The following LOXL1 variants were observed in gnomAD, a reference collection of about 807,000 sequenced individuals.
LOXL1 encodes lysyl oxidase like 1, also known as lysyl oxidase homolog 1.
LOXL1 carries 31 observed loss-of-function variants against 62.2 expected under a neutral mutation model. The observed-to-expected ratio is 0.50, with a 90% confidence interval of 0.37 to 0.67. The LOEUF is 0.67. LOXL1 is among the 30% of genes least tolerant of loss of function. LOXL1 has a pLI of 0.00. For missense variants in LOXL1, 775 were observed against 843.4 expected (o/e 0.92, Z 1.00); for synonymous variants, 403 against 384.4 (o/e 1.05, Z -0.56).
intron 1 of LOXL1, 56 bp downstream of exon 1, chr15:73,927,941 G>A: frequency 4.7e-6 from 6 of 1,275,230 alleles, no homozygotes; most frequent in Non-Finnish European, 5.9e-6. Flanking sequence ...ACTGGAAACT[G>A]CTCCGGGCCC....
At position 73,927,557 on chromosome 15, in the gene LOXL1, C is replaced by T; in HGVS notation, c.774C>T (p.Pro258=). Residue 258 remains proline, a synonymous_variant, in exon 1 of 7, where the codon CCC becomes CCT. Transcript: ENST00000261921. ...PQGFYPAPER[P]YVPPPPPPPD... Reference sequence around the variant, plus strand: ...GCTTCTACCCGGCCCCCGAGAGGCCCTACGTGCCGCCGCCGCCGCCGCCCC... The same window carrying T: ...GCTTCTACCCGGCCCCCGAGAGGCCTTACGTGCCGCCGCCGCCGCCGCCCC... The T allele has an allele frequency of 3.3e-6, 5 of 1,501,896 alleles. No homozygotes were observed. In the Middle Eastern group the frequency reaches 5.4e-4, roughly 162 times the overall value. The allele number at this position is 1,501,896 out of a possible 1,614,324, so 93.0% of individuals were successfully genotyped here. A position where few individuals can be genotyped will look rare whatever the true frequency, so the allele number is the denominator to read the frequency against.
intron 1 of LOXL1, among the ~76,000 whole-genome samples, chr15:73,939,413 C>T (rs548001380): frequency 1.2e-4 from 19 of 152,334 alleles, no homozygotes; most frequent in African/African-American, 4.3e-4. Flanking sequence ...TCTTGTGTCA[C>T]CCCCATGGCC....
intron 1 of LOXL1, among the ~76,000 whole-genome samples, chr15:73,934,602 A>T (rs1279787125): frequency 6.6e-6 from 1 of 152,224 alleles, no homozygotes; most frequent in East Asian, 1.9e-4. Flanking sequence ...GGCAGATATC[A>T]TCTCATGAGG....
intron 1 of LOXL1, among the ~76,000 whole-genome samples, chr15:73,928,883 A>G (rs1395809013): frequency 2.0e-5 from 3 of 151,460 alleles, no homozygotes; most frequent in Admixed American, 2.0e-4. Context: ...AAAAAAAAAA[A>G]ACACCTCACT....
At chr15:73,938,274 C>CATATCTATCTAT (rs2068688382) in intron 1 of LOXL1, among the ~76,000 whole-genome samples, 1 of 35,884 alleles carries the variant, frequency 2.8e-5, no homozygotes. Context: ...AGCTAGACTC[C>CATATCTATCTAT]GTATCTATCT....
chr15:73,931,230 T>C (rs28617339), intron 1 of LOXL1, among the ~76,000 whole-genome samples: 91,396 of 151,680 alleles, frequency 0.6, 28,816 homozygotes, highest in East Asian at 0.91. Flanking sequence ...CAGGGCATCT[T>C]GGATGGCTGT....
rs896547707 is a variant in LOXL1, at chr15:73,927,866, G to A, written c.1083G>A (p.Arg361=). 4 of 1,325,784 alleles carry A rather than the reference G, an allele frequency of 3.0e-6. No individual in the cohort carries two copies. Among genetic ancestry groups the A allele is most frequent in the Admixed American group, 4.1e-5 (1 of 24,104 alleles). 82.1% of individuals were successfully genotyped at this position (1,325,784 alleles called of 1,614,324 possible). ...QGRLSVGSVY[R]PNQNGRGLPD... is the part of the protein sequence containing the mutation. ...GCCTCAGCGTGGGCAGCGTGTACCGGCCCAACCAGAACGGCCGCGGTGAGT... is the reference window on the plus strand; with the variant it reads ...GCCTCAGCGTGGGCAGCGTGTACCGACCCAACCAGAACGGCCGCGGTGAGT... The change falls in exon 1 of 7, where the codon CGG becomes CGA. Residue 361 remains arginine (R), a synonymous_variant. Coordinates refer to ENST00000261921, the MANE Select transcript of LOXL1 (RefSeq NM_005576.4).
In LOXL1 at chr15:73,927,777, C is replaced by A; in HGVS notation, c.994C>A (p.Leu332Met). The change falls in exon 1 of 7, where the codon CTG (leucine) becomes ATG (methionine). Residue 332 changes from leucine (L) to methionine (M), a missense_variant. Leu to Met is a conservative substitution (Grantham distance 15). Transcript: ENST00000261921. ...GPPRALEPPY[L>M]PVRSSDTPPP... Reference sequence around the variant, plus strand: ...GCCGCGCGCGCTGGAGCCGCCCTACCTGCCGGTGCGCAGCTCCGACACGCC... The same window carrying A: ...GCCGCGCGCGCTGGAGCCGCCCTACATGCCGGTGCGCAGCTCCGACACGCC... 1.4e-6 allele frequency: 2 copies of A among 1,431,556 alleles called. No individual in the cohort carries two copies. The highest frequency in any genetic ancestry group is 3.0e-5 in the African/African-American group (2 of 67,188). 88.7% of individuals were successfully genotyped at this position (1,431,556 alleles called of 1,614,324 possible).
Position 73,949,710 on chromosome 15 carries a change from A to G in LOXL1, c.1718+136A>G, listed in dbSNP as rs201115446. 6.2e-4 allele frequency: 410 copies of G among 656,416 alleles called. 1 individual carries two copies. Among genetic ancestry groups the G allele is most frequent in the South Asian group, 4.6e-3 (265 of 57,672 alleles). 40.7% of individuals were successfully genotyped at this position (656,416 alleles called of 1,614,324 possible). ...GAACGCAGCTGCAGCAGGGCCCATC[A>G]AAAAGAGCCTTGTCCGTGCCAACCC... On this transcript the variant is annotated intron_variant, in intron 6 of 6. Transcript: ENST00000261921.
At chr15:73,927,949 C>G (rs953932005) in intron 1 of LOXL1, 64 bp downstream of exon 1, 1 of 1,249,468 alleles carries the variant, frequency 8.0e-7, no homozygotes, top group Admixed American at 4.2e-5. Flanking sequence ...CTGCTCCGGG[C>G]CCCCCGGGCC....
At chr15:73,936,469 G>A (rs4886782) in intron 1 of LOXL1, among the ~76,000 whole-genome samples, 40,847 of 152,198 alleles carry the variant, frequency 0.27, 6,754 homozygotes, top group Middle Eastern at 0.44. Flanking sequence ...GGGCTCCTCT[G>A]GAGTCTGGCT....
intron 1 of LOXL1, among the ~76,000 whole-genome samples, chr15:73,937,037 G>A (rs1022869706): frequency 7.2e-5 from 11 of 152,244 alleles, no homozygotes; most frequent in Admixed American, 1.3e-4. Context: ...AGGGGACTGG[G>A]GAGACTGGAC....
chr15:73,929,129 C>T (rs904305836), intron 1 of LOXL1, among the ~76,000 whole-genome samples: 1 of 152,232 alleles, frequency 6.6e-6, no homozygotes, highest in Non-Finnish European at 1.5e-5. Context: ...CAGCCATTCT[C>T]TGCTGTCCTA....
intron 1 of LOXL1, 198 bp downstream of exon 1, chr15:73,928,083 C>A (rs2068604724): frequency 4.5e-6 from 2 of 441,498 alleles, no homozygotes; most frequent in Non-Finnish European, 7.6e-6. Context: ...TTAACCCGCA[C>A]CCAGGCATCA....
chr15:73,943,671 G>A (rs1430047436), intron 2 of LOXL1, among the ~76,000 whole-genome samples: 1 of 152,172 alleles, frequency 6.6e-6, no homozygotes, highest in African/African-American at 2.4e-5. Context: ...CTGGAACATA[G>A]GTGCTTTGCG....
Position 73,942,848 on chromosome 15 carries a change from C to G in LOXL1, c.1103-6C>G. On this transcript the variant is annotated splice_region_variant and splice_polypyrimidine_tract_variant and intron_variant, in intron 1 of 6. Transcript: ENST00000261921. ...CTCCCCCCTTCTCTCCCACTGCCCACTCCAGGTCTCCCTGACTTGGTCCCA... is the reference window on the plus strand; with the variant it reads ...CTCCCCCCTTCTCTCCCACTGCCCAGTCCAGGTCTCCCTGACTTGGTCCCA... 1.3e-6 allele frequency: 2 copies of G among 1,594,932 alleles called. No individual in the cohort carries two copies. Among genetic ancestry groups the G allele is most frequent in the Non-Finnish European group, 1.7e-6 (2 of 1,162,488 alleles).
Position 73,951,958 on chromosome 15 carries a change from C to G in LOXL1, c.*121C>G, listed in dbSNP as rs570577475. On this transcript the variant is annotated 3_prime_UTR_variant, in exon 7 of 7. Coordinates refer to ENST00000261921, the MANE Select transcript of LOXL1 (RefSeq NM_005576.4). ...GGCACGGAGGGGCATCCCTCCCTGC[C>G]GGCCTCAGGGAGCGAACGTGGATGA... 2.3e-6 allele frequency: 2 copies of G among 867,200 alleles called. No homozygotes were observed. Among genetic ancestry groups the G allele is most frequent in the Non-Finnish European group, 3.2e-6 (2 of 631,816 alleles). 53.7% of individuals were successfully genotyped at this position (867,200 alleles called of 1,614,324 possible). A position where few individuals can be genotyped will look rare whatever the true frequency, so the allele number is the denominator to read the frequency against.
At chr15:73,937,513 G>A (rs777645084) in intron 1 of LOXL1, among the ~76,000 whole-genome samples, 6 of 152,222 alleles carry the variant, frequency 3.9e-5, no homozygotes, top group East Asian at 1.9e-4. Flanking sequence ...TCGCTGCCCC[G>A]TGACTCAGCA....
rs1434446374 is a variant in LOXL1, at chr15:73,927,533, C to A, written c.750C>A (p.Gly250=). ...GEELPEYPPQ[G]FYPAPERPYV... is the part of the protein sequence containing the mutation. ...AGCTGCCCGAGTACCCGCCTCAGGGCTTCTACCCGGCCCCCGAGAGGCCCT... is the reference window on the plus strand; with the variant it reads ...AGCTGCCCGAGTACCCGCCTCAGGGATTCTACCCGGCCCCCGAGAGGCCCT... The change falls in exon 1 of 7, where the codon GGC becomes GGA. Residue 250 remains glycine, a synonymous_variant. Coordinates refer to ENST00000261921, the MANE Select transcript of LOXL1 (RefSeq NM_005576.4). 2 of 1,494,830 alleles carry A rather than the reference C, an allele frequency of 1.3e-6. No individual in the cohort carries two copies. Among genetic ancestry groups the A allele is most frequent in the Non-Finnish European group, 1.8e-6 (2 of 1,129,088 alleles). 92.6% of individuals were successfully genotyped at this position (1,494,830 alleles called of 1,614,324 possible). A position where few individuals can be genotyped will look rare whatever the true frequency, so the allele number is the denominator to read the frequency against.
Sources: allele counts gnomAD v4.1 joint callset (sites outside exome capture counted in the v4.1 genomes callset), GRCh38; gene constraint gnomAD v4.1.1; transcripts MANE v1.5; gene names NCBI Gene and HGNC (gene_info 2026-07-23, HGNC 2026-07-21).